Variants in MEI4 observed in about 807,000 individuals in gnomAD.
The protein encoded by MEI4 is meiotic double-stranded break formation protein 4, also known as meiosis-specific protein MEI4.
A neutral mutation model predicts 31.4 loss-of-function variants in MEI4; 27 were observed. The ratio of observed to expected loss-of-function variants is 0.86; its 90% confidence interval spans 0.63 to 1.19. The LOEUF (loss-of-function observed/expected upper bound fraction) is 1.19. Ranked by LOEUF, MEI4 falls within the 50% of genes most tolerant of loss-of-function variation. The pLI, the probability that MEI4 is intolerant of heterozygous loss-of-function variation, is 0.00. For synonymous variants in MEI4, 122 were observed against 145.4 expected (o/e 0.84, Z 1.16); for missense variants, 329 against 398.9 (o/e 0.82, Z 1.49).
intron 4 of MEI4, among the ~76,000 whole-genome samples, chr6:77,861,823 C>T (rs1046690289): frequency 3.9e-5 from 6 of 152,296 alleles, no homozygotes; most frequent in Non-Finnish European, 5.9e-5. Context: ...CAGTATCTGA[C>T]ACACAGTAAA....
intron 3 of MEI4, among the ~76,000 whole-genome samples, chr6:77,793,371 G>A (rs1484590463): frequency 6.6e-6 from 1 of 152,190 alleles, no homozygotes; most frequent in Non-Finnish European, 1.5e-5. Context: ...AACTAGTCCT[G>A]TCTTACAAGA....
intron 2 of MEI4, among the ~76,000 whole-genome samples, chr6:77,709,219 C>T (rs1766401331): frequency 2.0e-5 from 3 of 152,278 alleles, no homozygotes; most frequent in Middle Eastern, 3.4e-3. Context: ...AAAAAGATTG[C>T]ATCCAGAGGA....
At chr6:77,857,341 A>T (rs1273803015) in intron 4 of MEI4, among the ~76,000 whole-genome samples, 1 of 152,214 alleles carries the variant, frequency 6.6e-6, no homozygotes, top group African/African-American at 2.4e-5. Flanking sequence ...TTTACTGATG[A>T]ATTCACTGGG....
At chr6:77,841,089 G>A (rs924275810) in intron 4 of MEI4, among the ~76,000 whole-genome samples, 5 of 151,880 alleles carry the variant, frequency 3.3e-5, no homozygotes, top group African/African-American at 1.2e-4. Context: ...CAAAAGTAAT[G>A]CTTAAGGGGG....
rs543959365 is a variant in MEI4 at position 77,800,806 on chromosome 6, A to G, written c.769-28125A>G. ...TGCTGAATTAAGTTTATTGATTTGC[A>G]TATGTTGAACCAGCCTTGTATCCCA... On this transcript the variant is annotated intron_variant, in intron 3 of 4. Transcript: ENST00000684080. Among the ~76,000 whole-genome samples the G allele has an allele frequency of 2.0e-5, 3 of 152,254 alleles. No homozygotes were observed. The South Asian group carries it at 6.2e-4, about 32-fold the overall frequency.
intron 4 of MEI4, among the ~76,000 whole-genome samples, chr6:77,909,504 C>T (rs2127738183): frequency 6.6e-6 from 1 of 152,174 alleles, no homozygotes; most frequent in Non-Finnish European, 1.5e-5. Context: ...CAAGACTAAA[C>T]CAGGAAGAAG....
chr6:77,910,927 T>G (rs1766420425), intron 4 of MEI4, among the ~76,000 whole-genome samples: 2 of 2,506 alleles, frequency 8.0e-4, no homozygotes, highest in Admixed American at 5.3e-3. Context: ...AGCTTCTGGT[T>G]TTTTTTTTTT....
intron 4 of MEI4, among the ~76,000 whole-genome samples, chr6:77,896,714 A>G (rs1357068405): frequency 1.3e-5 from 2 of 152,114 alleles, no homozygotes; most frequent in African/African-American, 4.8e-5. Flanking sequence ...CCATCCTTCT[A>G]TGCAAAAAGG....
chr6:77,740,883 A>G (rs1226965544), intron 2 of MEI4, among the ~76,000 whole-genome samples: 2 of 152,140 alleles, frequency 1.3e-5, no homozygotes, highest in Non-Finnish European at 2.9e-5. Flanking sequence ...AACAACAGAA[A>G]TACCCACAAA....
intron 1 of MEI4, among the ~76,000 whole-genome samples, chr6:77,689,772 G>A (rs1010172693): frequency 1.3e-5 from 2 of 152,008 alleles, no homozygotes; most frequent in African/African-American, 4.8e-5. Flanking sequence ...TGTGTTAGTA[G>A]GATAGGTGGG....
chr6:77,779,095 T>C (rs968732543), intron 3 of MEI4, among the ~76,000 whole-genome samples: 3 of 152,058 alleles, frequency 2.0e-5, no homozygotes, highest in African/African-American at 7.2e-5. Flanking sequence ...GGAAAACAAA[T>C]CAGTATTAGA....
intron 3 of MEI4, among the ~76,000 whole-genome samples, chr6:77,788,154 CAT>C (rs1768800744): frequency 6.6e-6 from 1 of 152,154 alleles, no homozygotes; most frequent in Non-Finnish European, 1.5e-5. Flanking sequence ...ACAAAAACCA[CAT>C]GATTATCTCA....
intron 4 of MEI4, among the ~76,000 whole-genome samples, chr6:77,829,837 G>T (rs950670800): frequency 1.3e-5 from 2 of 152,114 alleles, no homozygotes; most frequent in Non-Finnish European, 2.9e-5. Flanking sequence ...TATTGTATAT[G>T]TATGTAATTT....
chr6:77,851,426 A>T (rs1180813693), intron 4 of MEI4, among the ~76,000 whole-genome samples: 3 of 152,124 alleles, frequency 2.0e-5, no homozygotes, highest in Non-Finnish European at 4.4e-5. Flanking sequence ...AAAATGTGGC[A>T]CATATACACC....
chr6:77,897,307 G>A (rs892616956), intron 4 of MEI4, among the ~76,000 whole-genome samples: 1 of 151,960 alleles, frequency 6.6e-6, no homozygotes, highest in Non-Finnish European at 1.5e-5. Context: ...TTCAGTAGAT[G>A]TTTGTGTCAG....
chr6:77,770,230 A>G (rs185328499), intron 3 of MEI4, among the ~76,000 whole-genome samples: 1 of 152,180 alleles, frequency 6.6e-6, no homozygotes, highest in African/African-American at 2.4e-5. Flanking sequence ...TAGAAGAATT[A>G]TATAAATTCC....
At chr6:77,675,899 G>A (rs891723394) in intron 1 of MEI4, among the ~76,000 whole-genome samples, 11 of 152,176 alleles carry the variant, frequency 7.2e-5, no homozygotes, top group Non-Finnish European at 1.5e-4. Context: ...GTGTTTCATT[G>A]CTATGGCTGT....
chr6:77,926,009 T>G lies in MEI4; in HGVS notation c.*2663T>G, dbSNP rs556520354. Reference sequence around the variant, plus strand: ...TTTTAGAGATGAAGAACTCAGAACTTGCCCAAGTTCACAACACCAGGAAGT... The same window carrying G: ...TTTTAGAGATGAAGAACTCAGAACTGGCCCAAGTTCACAACACCAGGAAGT... On this transcript the variant is annotated 3_prime_UTR_variant, in exon 5 of 5. Transcript: ENST00000684080. 6.6e-6 allele frequency: 1 copy of G among 151,902 alleles called. No individual in the cohort carries two copies. The highest frequency in any genetic ancestry group is 2.1e-4 in the South Asian group (1 of 4,818). The allele number at this position is 151,902 out of a possible 1,614,324, so 9.4% of individuals were successfully genotyped here.
chr6:77,836,543 C>T (rs1770222361), intron 4 of MEI4, among the ~76,000 whole-genome samples: 1 of 152,042 alleles, frequency 6.6e-6, no homozygotes, highest in African/African-American at 2.4e-5. Context: ...CTAAGCAATT[C>T]ATTAATAAAA....
Sources: allele counts gnomAD v4.1 joint callset (sites outside exome capture counted in the v4.1 genomes callset), GRCh38; gene constraint gnomAD v4.1.1; transcripts MANE v1.5; gene names NCBI Gene and HGNC (gene_info 2026-07-23, HGNC 2026-07-21).